The following PPP4R3A variants were observed in gnomAD, a reference collection of about 807,000 sequenced individuals.
PPP4R3A encodes serine/threonine-protein phosphatase 4 regulatory subunit 3A.
A neutral mutation model predicts 91.7 loss-of-function variants in PPP4R3A; 15 were observed. The ratio of observed to expected loss-of-function variants is 0.16; its 90% CI spans 0.11 to 0.25. PPP4R3A has a LOEUF of 0.25. Ranked by LOEUF, PPP4R3A falls within the 10% of genes least tolerant of loss-of-function variation. The probability of loss-of-function intolerance (pLI) is 1.00; values close to 1 mark genes in which losing one functional copy is unlikely to be tolerated. For synonymous variants in PPP4R3A, 377 were observed against 348.7 expected (o/e 1.08, Z -0.91); for missense variants, 623 against 998.4 (o/e 0.62, Z 5.07).
At chr14:91,505,829 A>G (rs946723875) in intron 1 of PPP4R3A, among the ~76,000 whole-genome samples, 1 of 152,254 alleles carries the variant, frequency 6.6e-6, no homozygotes, top group Non-Finnish European at 1.5e-5. Context: ...ATGACAACAA[A>G]AAGAAAATAT....
At position 91,481,764 on chromosome 14, in the gene PPP4R3A, T is replaced by A; in HGVS notation, c.727A>T (p.Thr243Ser). 1 of 1,613,734 alleles carries A rather than the reference T, an allele frequency of 6.2e-7. No individual in the cohort carries two copies. Among genetic ancestry groups the A allele is most frequent in the Non-Finnish European group, 8.5e-7 (1 of 1,179,936 alleles). Residue 243 changes from threonine to serine, a missense_variant, in exon 4 of 15, where the codon ACA becomes TCA. Around this residue, in one of 5 missense-constraint regions of PPP4R3A, gnomAD observed 264 missense variants for 377.3 expected, o/e 0.70. Coordinates refer to ENST00000554943, the MANE Select transcript of PPP4R3A (RefSeq NM_001366432.2). ...GGAATCACTTCTTTAAACTTGGCTG[T>A]TTTTGTTAGAAATTCCCTGTGTTTT... ...PRKHREFLTK[T>S]AKFKEVIPIS...
chr14:91,499,905 G>C (rs1890836655), intron 1 of PPP4R3A, among the ~76,000 whole-genome samples: 1 of 151,738 alleles, frequency 6.6e-6, no homozygotes, highest in Non-Finnish European at 1.5e-5. Context: ...CTTTCTTGTA[G>C]GGTGCTACCA....
At chr14:91,459,001 G>A in intron 14 of PPP4R3A, 132 bp from the exon 15 acceptor site, 1 of 988,654 alleles carries the variant, frequency 1.0e-6, no homozygotes, top group Non-Finnish European at 1.4e-6. Flanking sequence ...GTGGGACTGT[G>A]TTAAACTTCA....
intron 4 of PPP4R3A, among the ~76,000 whole-genome samples, chr14:91,479,739 G>A (rs1001642233): frequency 4.6e-5 from 7 of 152,124 alleles, no homozygotes; most frequent in East Asian, 1.9e-4. Context: ...ACGGGGTTTC[G>A]CCATGTTGGC....
At chr14:91,480,886 A>G (rs985718797) in intron 4 of PPP4R3A, among the ~76,000 whole-genome samples, 10 of 151,746 alleles carry the variant, frequency 6.6e-5, no homozygotes, top group Non-Finnish European at 1.0e-4. Context: ...AAAATTTTTA[A>G]AAGGTGGCTA....
chr14:91,493,795 G>A (rs565252435), intron 1 of PPP4R3A, among the ~76,000 whole-genome samples: 24 of 145,348 alleles, frequency 1.7e-4, no homozygotes, highest in Non-Finnish European at 1.5e-4. Flanking sequence ...TTTTTGAGAC[G>A]GAGTTTCACT....
At chr14:91,459,469 G>T (rs763624754) in intron 14 of PPP4R3A, among the ~76,000 whole-genome samples, 1 of 152,090 alleles carries the variant, frequency 6.6e-6, no homozygotes, top group Non-Finnish European at 1.5e-5. Flanking sequence ...GAAAATGAAT[G>T]AAAAATGTTT....
chr14:91,461,829 AC>A, intron 13 of PPP4R3A: 1 of 889,800 alleles, frequency 1.1e-6, no homozygotes, highest in Non-Finnish European at 1.6e-6. Flanking sequence ...TAGTATCCCT[AC>A]CCTTCCTGAA....
chr14:91,464,846 G>T (rs1888380816), intron 11 of PPP4R3A, among the ~76,000 whole-genome samples: 1 of 152,176 alleles, frequency 6.6e-6, no homozygotes, highest in Non-Finnish European at 1.5e-5. Context: ...ACTGGGGTGG[G>T]AGTGGGGGAG....
chr14:91,496,148 T>G (rs1890553127), intron 1 of PPP4R3A, among the ~76,000 whole-genome samples: 1 of 152,176 alleles, frequency 6.6e-6, no homozygotes, highest in Non-Finnish European at 1.5e-5. Context: ...GGCTAGCAGT[T>G]TTCTCTGGGT....
intron 1 of PPP4R3A, among the ~76,000 whole-genome samples, chr14:91,499,689 T>C (rs1890814394): frequency 6.6e-6 from 1 of 151,744 alleles, no homozygotes; most frequent in South Asian, 2.1e-4. Context: ...GGCATGGTGG[T>C]GCGTGCCTGT....
chr14:91,464,341 C>T (rs539363251), intron 11 of PPP4R3A, among the ~76,000 whole-genome samples: 1 of 138,940 alleles, frequency 7.2e-6, no homozygotes, highest in Admixed American at 7.3e-5. Flanking sequence ...CCTCACCCCC[C>T]AAAAAAAGCA....
chr14:91,465,022 C>T (rs1035799826), intron 11 of PPP4R3A, among the ~76,000 whole-genome samples: 11 of 152,196 alleles, frequency 7.2e-5, no homozygotes, highest in South Asian at 4.1e-4. Flanking sequence ...TCCTAACAGG[C>T]TATGGACCGG....
chr14:91,479,454 A>C (rs891970818), intron 4 of PPP4R3A, among the ~76,000 whole-genome samples: 2 of 151,436 alleles, frequency 1.3e-5, no homozygotes, highest in Non-Finnish European at 2.9e-5. Context: ...TGCAGACTCA[A>C]ACTCCTGGGC....
rs1595042693 is a variant in PPP4R3A, at chr14:91,458,328, G to A, written c.*431C>T. ...TCAGAATGTATGATTTTAAAGGCAG[G>A]TCTCTTTATACAAAGAAACTGCTGG... On this transcript the variant is annotated 3_prime_UTR_variant, in exon 15 of 15. Coordinates refer to ENST00000554943, the MANE Select transcript of PPP4R3A (RefSeq NM_001366432.2). The A allele has an allele frequency of 4.9e-6, 1 of 205,446 alleles. No individual in the cohort carries two copies. 12.7% of individuals were successfully genotyped at this position (205,446 alleles called of 1,614,324 possible). A position where few individuals can be genotyped will look rare whatever the true frequency, so the allele number is the denominator to read the frequency against.
intron 1 of PPP4R3A, among the ~76,000 whole-genome samples, chr14:91,501,599 T>A (rs1270871727): frequency 6.6e-6 from 1 of 151,882 alleles, no homozygotes; most frequent in African/African-American, 2.4e-5. Context: ...AAGGCTGCAG[T>A]AAGCCCTGAT....
At chr14:91,462,552 A>G (rs962533141) in intron 12 of PPP4R3A, among the ~76,000 whole-genome samples, 183 bp downstream of exon 12, 1 of 147,868 alleles carries the variant, frequency 6.8e-6, no homozygotes, top group Non-Finnish European at 1.5e-5. Flanking sequence ...GAGGTATTAT[A>G]CTAATAACCA....
chr14:91,487,243 C>A (rs1274872963), intron 2 of PPP4R3A, among the ~76,000 whole-genome samples: 2 of 91,986 alleles, frequency 2.2e-5, no homozygotes, highest in Admixed American at 1.4e-4. Flanking sequence ...GAGTGAGAGT[C>A]CGTCTCAAAA....
intron 9 of PPP4R3A, among the ~76,000 whole-genome samples, chr14:91,472,249 T>C (rs1308641201): frequency 1.3e-5 from 2 of 151,996 alleles, no homozygotes; most frequent in Non-Finnish European, 2.9e-5. Flanking sequence ...TCAATATAAA[T>C]AAAAGTAGCT....
Sources: gnomAD v4.1 joint callset for allele counts (sites outside exome capture counted in the v4.1 genomes callset) on GRCh38, gnomAD v4.1.1 for gene constraint, gnomAD v4.1.1 regional missense constraint, MANE v1.5 for transcripts, NCBI Gene and HGNC (gene_info 2026-07-23, HGNC 2026-07-21) for gene names.